BBS9: variants seen among roughly 807,000 people sequenced by gnomAD.
BBS9 encodes Bardet-Biedl syndrome 9, also known as protein PTHB1.
In BBS9, 89 loss-of-function variants were observed where a neutral mutation model predicts 117.7. The observed-to-expected ratio is 0.76, with a 90% CI of 0.64 to 0.90. BBS9 has a LOEUF of 0.90. Among genes scored for constraint, BBS9 ranks in the 40% least tolerant of loss-of-function variants. The pLI, the probability that BBS9 is intolerant of heterozygous loss-of-function variation, is 0.00. For missense variants in BBS9, 982 were observed against 1,042.2 expected (o/e 0.94, Z 0.80); for synonymous variants, 379 against 370.9 (o/e 1.02, Z -0.25).
At chr7:33,459,651 C>T (rs1839165961) in intron 19 of BBS9, among the ~76,000 whole-genome samples, 1 of 152,108 alleles carries the variant, frequency 6.6e-6, no homozygotes, top group African/African-American at 2.4e-5. Context: ...TACTCTCTGG[C>T]ACTACATGCT....
intron 7 of BBS9, among the ~76,000 whole-genome samples, chr7:33,265,328 A>G (rs1244717096): frequency 6.6e-6 from 1 of 152,014 alleles, no homozygotes; most frequent in East Asian, 1.9e-4. Flanking sequence ...ATGAAGATAT[A>G]TTTTTTTTCA....
At chr7:33,129,398 C>T (rs1247607763), upstream of BBS9, 2 of 332,596 alleles carry the variant, frequency 6.0e-6, no homozygotes, top group African/African-American at 4.3e-5. Flanking sequence ...TAATGAGGAC[C>T]AGGCCGTGGT....
At chr7:33,444,250 G>C (rs1281577171) in intron 19 of BBS9, among the ~76,000 whole-genome samples, 1 of 152,164 alleles carries the variant, frequency 6.6e-6, no homozygotes. Context: ...ATACCTCAAG[G>C]ATCATTCTCT....
rs371022809 is a variant in BBS9, at chr7:33,461,394, T to C, written c.2116-44069T>C. ...AATCAAAATGCTCAATTTGGAAACA[T>C]ACTTTCCTCAATGCTTTGATTTTTG... is the stretch of plus-strand genomic sequence containing the variant. On this transcript the variant is annotated intron_variant, in intron 19 of 22. Transcript: ENST00000242067. Among the ~76,000 whole-genome samples, 6 of 152,020 alleles carry C rather than the reference T, an allele frequency of 3.9e-5. No homozygotes were observed. In the East Asian group the frequency reaches 7.7e-4, roughly 20 times the overall value.
chr7:33,301,720 T>C (rs1232435456), intron 9 of BBS9, among the ~76,000 whole-genome samples: 1 of 152,216 alleles, frequency 6.6e-6, no homozygotes, highest in Non-Finnish European at 1.5e-5. Context: ...CTATTGTGAA[T>C]AGTGCTGCAG....
chr7:33,297,300 A>G (rs928970882), intron 9 of BBS9, among the ~76,000 whole-genome samples: 5 of 152,146 alleles, frequency 3.3e-5, no homozygotes, highest in African/African-American at 1.2e-4. Flanking sequence ...AATGAATACC[A>G]CTGTTCTAAA....
At chr7:33,615,799 G>A (rs1865101379) in intron 21 of BBS9, among the ~76,000 whole-genome samples, 1 of 151,926 alleles carries the variant, frequency 6.6e-6, no homozygotes, top group Non-Finnish European at 1.5e-5. Context: ...AAAGATAAAG[G>A]AAATTCTTGA....
chr7:33,235,590 G>A (rs1167275803), intron 5 of BBS9, among the ~76,000 whole-genome samples: 1 of 152,146 alleles, frequency 6.6e-6, no homozygotes, highest in Non-Finnish European at 1.5e-5. Context: ...TTATAAAGAT[G>A]CATTAAAATG....
chr7:33,465,878 C>T (rs1313232928), intron 19 of BBS9, among the ~76,000 whole-genome samples: 4 of 152,188 alleles, frequency 2.6e-5, no homozygotes, highest in African/African-American at 7.2e-5. Context: ...AATACCCTTT[C>T]TAGCAATAAA....
At position 33,565,780 on chromosome 7, in the gene BBS9, A is replaced by AGT. The variant is rs1348702101; in HGVS notation, c.2521+31605_2521+31606dup. ...AATACAAAACATTAAGGCTATCAGTAGTATATATATATATATATATATATA... is the reference window on the plus strand; with the variant it reads ...AATACAAAACATTAAGGCTATCAGTAGTGTATATATATATATATATATATATA... On this transcript the variant is annotated intron_variant, in intron 21 of 22. Coordinates refer to ENST00000242067, the MANE Select transcript of BBS9 (RefSeq NM_198428.3). Among the ~76,000 whole-genome samples the AGT allele has an allele frequency of 8.1e-3, 429 of 52,800 alleles. 7 individuals are homozygous for AGT. Among genetic ancestry groups the AGT allele is most frequent in the East Asian group, 0.011 (14 of 1,294 alleles). 34.6% of individuals were successfully genotyped at this position (52,800 alleles called of 152,430 possible).
intron 19 of BBS9, among the ~76,000 whole-genome samples, chr7:33,470,412 A>G (rs1040136689): frequency 2.0e-5 from 3 of 151,838 alleles, no homozygotes; most frequent in East Asian, 1.9e-4. Flanking sequence ...ATTTTTTTCT[A>G]TTGCTATTCA....
chr7:33,292,899 G>C lies in BBS9; in HGVS notation c.1016+18943G>C, dbSNP rs1194941788. ...CAGGTGCCTGTAATCCCAGGTGCTC[G>C]GGAGTCTGAGGCAGGAGAATCGCTT... On this transcript the variant is annotated intron_variant, in intron 9 of 22. Transcript: ENST00000242067. Among the ~76,000 whole-genome samples the C allele has an allele frequency of 4.0e-5, 6 of 151,820 alleles. No homozygotes were observed. In the East Asian group the frequency reaches 1.2e-3, roughly 30 times the overall value.
intron 1 of BBS9, among the ~76,000 whole-genome samples, chr7:33,131,266 A>T (rs957074250): frequency 6.6e-6 from 1 of 152,172 alleles, no homozygotes; most frequent in African/African-American, 2.4e-5. Context: ...ACATCTATTG[A>T]GTACTTGCTA....
intron 2 of BBS9, among the ~76,000 whole-genome samples, chr7:33,151,142 C>T (rs1315538757): frequency 6.6e-6 from 1 of 152,118 alleles, no homozygotes; most frequent in Non-Finnish European, 1.5e-5. Flanking sequence ...TTCCCAGCCA[C>T]TCAGGAGGCT....
intron 19 of BBS9, among the ~76,000 whole-genome samples, chr7:33,411,477 A>C (rs1477255856): frequency 6.6e-6 from 1 of 152,186 alleles, no homozygotes; most frequent in Non-Finnish European, 1.5e-5. Context: ...TCTTGAAGTA[A>C]ACCACATTTA....
At chr7:33,601,328 C>T (rs1863761318) in intron 21 of BBS9, among the ~76,000 whole-genome samples, 1 of 151,986 alleles carries the variant, frequency 6.6e-6, no homozygotes, top group African/African-American at 2.4e-5. Flanking sequence ...TGGATGACTT[C>T]CTCCAGCTGC....
At chr7:33,478,155 A>T (rs763185686) in intron 19 of BBS9, among the ~76,000 whole-genome samples, 1 of 152,202 alleles carries the variant, frequency 6.6e-6, no homozygotes, top group Non-Finnish European at 1.5e-5. Flanking sequence ...TGAAAGGGGA[A>T]TATTAAAATT....
chr7:33,524,960 A>G (rs1251670525), intron 20 of BBS9, among the ~76,000 whole-genome samples: 5 of 152,186 alleles, frequency 3.3e-5, no homozygotes, highest in East Asian at 1.9e-4. Flanking sequence ...CTTTGTTCTC[A>G]TTGGTTTCAA....
At chr7:33,253,711 C>G (rs1796586028) in intron 5 of BBS9, among the ~76,000 whole-genome samples, 1 of 152,186 alleles carries the variant, frequency 6.6e-6, no homozygotes. Flanking sequence ...CAATACGTGA[C>G]TTTCATCTCT....
Sources: gnomAD v4.1 joint callset for allele counts (sites outside exome capture counted in the v4.1 genomes callset) on GRCh38, gnomAD v4.1.1 for gene constraint, MANE v1.5 for transcripts, NCBI Gene and HGNC (gene_info 2026-07-23, HGNC 2026-07-21) for gene names.